PARN: variants seen among roughly 807,000 people sequenced by gnomAD.
PARN encodes poly(A)-specific ribonuclease.
A neutral mutation model predicts 102.8 loss-of-function variants in PARN; 71 were observed. The observed-to-expected ratio is 0.69, with a 90% CI of 0.57 to 0.84. PARN has a LOEUF of 0.84. Ranked by LOEUF, PARN falls within the 40% of genes least tolerant of loss-of-function variation. PARN has a pLI of 0.00. For synonymous variants in PARN, 261 were observed against 252.9 expected (o/e 1.03, Z -0.30); for missense variants, 782 against 760.9 (o/e 1.03, Z -0.33).
chr16:14,619,579 T>C (rs930004903), intron 5 of PARN, among the ~76,000 whole-genome samples: 12 of 151,620 alleles, frequency 7.9e-5, no homozygotes, highest in African/African-American at 1.9e-4. Context: ...CTGAGTAACA[T>C]AGGGAGACCC....
chr16:14,575,634 G>A (rs1969083278), intron 18 of PARN, among the ~76,000 whole-genome samples: 1 of 152,190 alleles, frequency 6.6e-6, no homozygotes, highest in African/African-American at 2.4e-5. Context: ...CAGGCTCATA[G>A]GCGGAAGGGA....
At chr16:14,452,621 GCCACCGCAC>G (rs200160252) in intron 22 of PARN, among the ~76,000 whole-genome samples, 2 of 152,182 alleles carry the variant, frequency 1.3e-5, no homozygotes, top group East Asian at 3.9e-4. Flanking sequence ...ACAGGCGTGA[GCCACCGCAC>G]CCACCCTACA....
At chr16:14,594,310 G>A (rs1050762694) in intron 12 of PARN, among the ~76,000 whole-genome samples, 7 of 152,176 alleles carry the variant, frequency 4.6e-5, no homozygotes, top group African/African-American at 9.7e-5. Flanking sequence ...TGGGCGGTGT[G>A]TCTGTCTCAC....
intron 12 of PARN, among the ~76,000 whole-genome samples, chr16:14,596,046 C>A (rs1302910768): frequency 4.6e-5 from 7 of 152,140 alleles, no homozygotes; most frequent in Non-Finnish European, 1.5e-5. Flanking sequence ...ATGCCTAGGT[C>A]TACATACATA....
chr16:14,555,761 G>A, intron 18 of PARN, 52 bp from the exon 19 acceptor site: 7 of 894,210 alleles, frequency 7.8e-6, no homozygotes, highest in South Asian at 2.2e-5. Context: ...TAAAAGACAG[G>A]CATTTTGCAT....
At chr16:14,614,178 G>A (rs2151802559) in intron 6 of PARN, among the ~76,000 whole-genome samples, 1 of 151,962 alleles carries the variant, frequency 6.6e-6, no homozygotes, top group Non-Finnish European at 1.5e-5. Context: ...AATCACTTGG[G>A]CCCAGGAGGT....
chr16:14,590,064 A>C (rs1970081671), intron 13 of PARN, among the ~76,000 whole-genome samples: 3 of 151,668 alleles, frequency 2.0e-5, no homozygotes, highest in African/African-American at 7.3e-5. Context: ...CAGCCTTGCC[A>C]ACATGGTGAA....
intron 18 of PARN, among the ~76,000 whole-genome samples, chr16:14,574,493 T>C (rs1383327086): frequency 6.6e-6 from 1 of 152,114 alleles, no homozygotes; most frequent in African/African-American, 2.4e-5. Flanking sequence ...GGTGGGCAGA[T>C]CATGAGGTCA....
At chr16:14,526,609 T>C (rs1229989557) in intron 21 of PARN, among the ~76,000 whole-genome samples, 2 of 152,182 alleles carry the variant, frequency 1.3e-5, no homozygotes, top group Non-Finnish European at 2.9e-5. Flanking sequence ...CCAAACCTCA[T>C]CACACAAAGG....
chr16:14,588,823 A>C (rs1970007380), intron 13 of PARN, among the ~76,000 whole-genome samples: 1 of 152,176 alleles, frequency 6.6e-6, no homozygotes, highest in Non-Finnish European at 1.5e-5. Flanking sequence ...GGGAGGTTGC[A>C]GTGAGCCAAA....
chr16:14,629,607 C>T lies in PARN; in HGVS notation c.87G>A (p.Gly29=). The T allele has an allele frequency of 6.2e-7, 1 of 1,611,992 alleles. No individual in the cohort carries two copies. Among genetic ancestry groups the T allele is most frequent in the Non-Finnish European group, 8.5e-7 (1 of 1,178,020 alleles). Residue 29 remains glycine, a synonymous_variant, in exon 2 of 24, where the codon GGG becomes GGA. Transcript: ENST00000437198. ...IEEADFFAID[G]EFSGISDGPS... The stretch of plus-strand genomic sequence containing the variant: ...GCAAGGGAGGGATACCTGAAAACTC[C>T]CCATCGATGGCGAAGAAGTCGGCCT...
At chr16:14,480,145 C>T (rs1684706224) in intron 22 of PARN, among the ~76,000 whole-genome samples, 1 of 151,490 alleles carries the variant, frequency 6.6e-6, no homozygotes, top group Admixed American at 6.6e-5. Flanking sequence ...CCAGCCTGGG[C>T]AACATGGCGA....
intron 19 of PARN, among the ~76,000 whole-genome samples, chr16:14,554,837 T>TA (rs201702320): frequency 2.4e-4 from 35 of 148,126 alleles, no homozygotes; most frequent in Middle Eastern, 3.5e-3. Flanking sequence ...TATACTTAGT[T>TA]AAAAAAAAAA....
chr16:14,615,708 C>A (rs895977654), intron 6 of PARN, among the ~76,000 whole-genome samples: 7 of 151,902 alleles, frequency 4.6e-5, no homozygotes, highest in African/African-American at 1.7e-4. Context: ...CAAGACCAGC[C>A]CAGCCAACAT....
intron 22 of PARN, among the ~76,000 whole-genome samples, chr16:14,463,850 G>GA (rs1381211392): frequency 3.1e-5 from 4 of 127,814 alleles, no homozygotes; most frequent in South Asian, 2.7e-4. Context: ...GGGGGGGGGG[G>GA]ACGACAAGGT....
At chr16:14,500,632 A>T (rs1964539271) in intron 21 of PARN, among the ~76,000 whole-genome samples, 1 of 152,164 alleles carries the variant, frequency 6.6e-6, no homozygotes, top group Non-Finnish European at 1.5e-5. Flanking sequence ...TTTAGATTCT[A>T]ATTCTAAAGT....
chr16:14,541,475 TTTTA>T (rs1038609153), intron 21 of PARN, among the ~76,000 whole-genome samples: 17 of 152,242 alleles, frequency 1.1e-4, no homozygotes, highest in African/African-American at 4.1e-4. Context: ...TATTTTTCAT[TTTTA>T]TTTATTTATT....
chr16:14,585,652 A>G (rs1325982288), intron 14 of PARN, among the ~76,000 whole-genome samples: 3 of 152,228 alleles, frequency 2.0e-5, no homozygotes, highest in African/African-American at 7.2e-5. Flanking sequence ...CCAGATGGAC[A>G]GTTCTTGACT....
Position 14,630,246 on chromosome 16 carries a change from G to A in PARN, c.-121C>T, listed in dbSNP as rs1301783559. On this transcript the variant is annotated 5_prime_UTR_variant, in exon 1 of 24. Coordinates refer to ENST00000437198, the MANE Select transcript of PARN (RefSeq NM_002582.4). The stretch of plus-strand genomic sequence containing the variant: ...GGCAGCCGCAGCGGTGACGCCGGCC[G>A]CGACTTCCGGAAACAGCGCGCGCCT... 4 of 863,100 alleles carry A rather than the reference G, an allele frequency of 4.6e-6. No homozygotes were observed. The highest frequency in any genetic ancestry group is 3.4e-5 in the South Asian group (2 of 58,684). 53.5% of individuals were successfully genotyped at this position (863,100 alleles called of 1,614,324 possible).
Sources: allele counts gnomAD v4.1 joint callset (sites outside exome capture counted in the v4.1 genomes callset), GRCh38; gene constraint gnomAD v4.1.1; transcripts MANE v1.5; gene names NCBI Gene and HGNC (gene_info 2026-07-23, HGNC 2026-07-21).